Variants in TMEFF2 observed in about 807,000 individuals in gnomAD.
The protein encoded by TMEFF2 is tomoregulin-2.
Under a neutral mutation model 53.8 loss-of-function variants are expected in TMEFF2, and 28 were observed. The ratio of observed to expected loss-of-function variants is 0.52; its 90% confidence interval spans 0.39 to 0.71. TMEFF2 has a LOEUF of 0.71. Among genes scored for constraint, TMEFF2 ranks in the 30% least tolerant of loss-of-function variants. TMEFF2 has a pLI of 0.00. For synonymous variants in TMEFF2, 162 were observed against 166.3 expected (o/e 0.97, Z 0.20); for missense variants, 353 against 455.2 (o/e 0.78, Z 2.04).
intron 4 of TMEFF2, among the ~76,000 whole-genome samples, chr2:192,139,677 T>A (rs1445352940): frequency 6.6e-6 from 1 of 152,192 alleles, no homozygotes; most frequent in Non-Finnish European, 1.5e-5. Context: ...TTTGCCAAAC[T>A]AGTAGTTTGG....
intron 5 of TMEFF2, among the ~76,000 whole-genome samples, chr2:192,029,746 T>G (rs980063036): frequency 2.6e-5 from 4 of 152,268 alleles, no homozygotes; most frequent in Admixed American, 1.3e-4. Context: ...ATTTAAAATT[T>G]GTATTTATCG....
intron 6 of TMEFF2, 133 bp downstream of exon 6, chr2:191,998,927 C>T: frequency 1.2e-6 from 1 of 859,158 alleles, no homozygotes; most frequent in Non-Finnish European, 1.8e-6. Flanking sequence ...CTACAGTAGA[C>T]TCTACTATCC....
chr2:192,074,809 C>T (rs1688368965), intron 4 of TMEFF2, among the ~76,000 whole-genome samples: 1 of 151,798 alleles, frequency 6.6e-6, no homozygotes, highest in Non-Finnish European at 1.5e-5. Flanking sequence ...AATCAATCTT[C>T]CCAATTCAGG....
At chr2:192,151,802 C>T (rs548079012) in intron 4 of TMEFF2, among the ~76,000 whole-genome samples, 1 of 151,934 alleles carries the variant, frequency 6.6e-6, no homozygotes, top group Admixed American at 6.6e-5. Flanking sequence ...TAAATAGTCT[C>T]ATCTTGGGAG....
intron 5 of TMEFF2, among the ~76,000 whole-genome samples, chr2:192,003,087 C>T (rs763405542): frequency 5.3e-5 from 8 of 152,172 alleles, no homozygotes; most frequent in Admixed American, 3.3e-4. Context: ...ATTATCTTTG[C>T]AATCCCCAAC....
chr2:192,112,414 C>T (rs1248407970), intron 4 of TMEFF2, among the ~76,000 whole-genome samples: 2 of 152,174 alleles, frequency 1.3e-5, no homozygotes, highest in Non-Finnish European at 2.9e-5. Context: ...CCTGTACCCC[C>T]TTTGTTTTGA....
intron 7 of TMEFF2, among the ~76,000 whole-genome samples, chr2:191,961,279 C>T (rs1373006546): frequency 2.6e-5 from 4 of 152,224 alleles, no homozygotes; most frequent in Non-Finnish European, 4.4e-5. Context: ...TTTAACATCC[C>T]ATATGATCTT....
chr2:191,968,965 G>C (rs1045450484), intron 7 of TMEFF2, among the ~76,000 whole-genome samples: 1 of 152,054 alleles, frequency 6.6e-6, no homozygotes, highest in African/African-American at 2.4e-5. Context: ...CACCCAGAAG[G>C]CTAAGGTGGA....
intron 4 of TMEFF2, among the ~76,000 whole-genome samples, chr2:192,126,113 G>C (rs1472099258): frequency 1.3e-5 from 2 of 152,188 alleles, no homozygotes; most frequent in African/African-American, 4.8e-5. Flanking sequence ...TTCAGTTGAT[G>C]ATTCAGATAT....
intron 7 of TMEFF2, among the ~76,000 whole-genome samples, chr2:191,972,131 T>C (rs1410767897): frequency 3.7e-5 from 5 of 135,628 alleles, no homozygotes; most frequent in Non-Finnish European, 7.8e-5. Context: ...TAAGAAGTAT[T>C]GCGTTAGTGT....
At chr2:192,009,450 G>A (rs1188140644) in intron 5 of TMEFF2, among the ~76,000 whole-genome samples, 1 of 152,084 alleles carries the variant, frequency 6.6e-6, no homozygotes, top group South Asian at 2.1e-4. Context: ...ATTGATGTTT[G>A]CTAAAGATTA....
intron 4 of TMEFF2, among the ~76,000 whole-genome samples, chr2:192,087,008 G>A (rs1249233197): frequency 6.7e-6 from 1 of 150,302 alleles, no homozygotes; most frequent in South Asian, 2.1e-4. Context: ...AATTTATAAA[G>A]CCATAAAAAG....
intron 1 of TMEFF2, among the ~76,000 whole-genome samples, chr2:192,193,214 CA>C (rs1691504897): frequency 6.6e-6 from 1 of 152,172 alleles, no homozygotes; most frequent in Non-Finnish European, 1.5e-5. Flanking sequence ...AAATTATATT[CA>C]CAGAAGATGA....
chr2:192,061,751 G>A lies in TMEFF2; in HGVS notation c.440-3976C>T, dbSNP rs148266629. On this transcript the variant is annotated intron_variant, in intron 4 of 9. Transcript: ENST00000272771. ...GGGTGGATCCCTTATGAATGGCTTAGGGCCATACCCTTGGTGATGAGGGAG... is the reference window on the plus strand; with the variant it reads ...GGGTGGATCCCTTATGAATGGCTTAAGGCCATACCCTTGGTGATGAGGGAG... Among the ~76,000 whole-genome samples the A allele has an allele frequency of 2.5e-3, 387 of 152,218 alleles. 2 individuals carry two copies. Among genetic ancestry groups the A allele is most frequent in the African/African-American group, 9.1e-3 (376 of 41,526 alleles).
intron 4 of TMEFF2, among the ~76,000 whole-genome samples, chr2:192,145,830 A>G (rs114734063): frequency 0.015 from 2,353 of 152,136 alleles, 61 homozygotes; most frequent in African/African-American, 0.053. Flanking sequence ...TAGAACTTAG[A>G]ATAGTGAGCA....
At chr2:191,990,369 G>T (rs1274286445) in intron 7 of TMEFF2, among the ~76,000 whole-genome samples, 1 of 151,344 alleles carries the variant, frequency 6.6e-6, no homozygotes, top group Non-Finnish European at 1.5e-5. Context: ...TATATTTGGG[G>T]CATGTCAGAC....
intron 4 of TMEFF2, among the ~76,000 whole-genome samples, chr2:192,140,025 G>C (rs1369688188): frequency 6.6e-5 from 10 of 152,188 alleles, no homozygotes; most frequent in East Asian, 3.9e-4. Context: ...CTCAAAGCTG[G>C]AAAAAACTGA....
intron 3 of TMEFF2, among the ~76,000 whole-genome samples, chr2:192,179,957 A>G (rs1483523052): frequency 6.6e-6 from 1 of 151,490 alleles, no homozygotes; most frequent in East Asian, 1.9e-4. Context: ...AATCTCGGCT[A>G]TGAAAAATTC....
chr2:191,960,911 A>G (rs564191402), intron 7 of TMEFF2, among the ~76,000 whole-genome samples: 182 of 152,252 alleles, frequency 1.2e-3, no homozygotes, highest in African/African-American at 4.3e-3. Flanking sequence ...CTGTTAATGT[A>G]TATCGGTTAG....
Sources: gnomAD v4.1 joint callset for allele counts (sites outside exome capture counted in the v4.1 genomes callset) on GRCh38, gnomAD v4.1.1 for gene constraint, MANE v1.5 for transcripts, NCBI Gene and HGNC (gene_info 2026-07-23, HGNC 2026-07-21) for gene names.